ATG16L1: variants seen among roughly 807,000 people sequenced by gnomAD.
The protein encoded by ATG16L1 is autophagy related 16 like 1, also known as autophagy-related protein 16-1.
In ATG16L1, 37 loss-of-function variants were observed where a neutral mutation model predicts 88.5. That is an observed-to-expected ratio of 0.42 (90% CI 0.32 to 0.55). The LOEUF (loss-of-function observed/expected upper bound fraction) is 0.55, where lower values mean the gene tolerates loss of function less well. Among genes scored for constraint, ATG16L1 ranks in the 20% least tolerant of loss-of-function variants. The probability of loss-of-function intolerance (pLI) is 0.13; values close to 1 mark genes in which losing one functional copy is unlikely to be tolerated. For missense variants in ATG16L1, 554 were observed against 752.8 expected, an observed-to-expected ratio of 0.74 and a Z score of 3.09; for synonymous variants, 301 against 281.0, an observed-to-expected ratio of 1.07 and a Z score of -0.71.
At position 233,270,074 on chromosome 2, in the gene ATG16L1, A is replaced by G; in HGVS notation, c.707+7A>G. The G allele has an allele frequency of 6.3e-7, 1 of 1,576,662 alleles. No homozygotes were observed. Among genetic ancestry groups the G allele is most frequent in the Middle Eastern group, 1.7e-4 (1 of 5,862 alleles). ...AACCTCTACCAGTCGAACAGTAAGT[A>G]AAGATAAATGAATCAAAACTGTGTT... On this transcript the variant is annotated splice_region_variant and intron_variant, in intron 6 of 17. Transcript: ENST00000392017.
intron 4 of ATG16L1, 36 bp from the exon 5 acceptor site, chr2:233,264,856 C>T (rs1044675798): frequency 6.2e-7 from 1 of 1,610,854 alleles, no homozygotes; most frequent in Admixed American, 1.7e-5. Context: ...AGGGCTCTGG[C>T]GAGGTACTAT....
intron 1 of ATG16L1, among the ~76,000 whole-genome samples, chr2:233,255,782 C>T (rs1034939365): frequency 6.6e-6 from 1 of 152,170 alleles, no homozygotes; most frequent in Non-Finnish European, 1.5e-5. Flanking sequence ...AGTTCCCTGA[C>T]CTAAAAAGTA....
At chr2:233,269,524 G>T (rs147171365) in intron 5 of ATG16L1, among the ~76,000 whole-genome samples, 3 of 152,288 alleles carry the variant, frequency 2.0e-5, no homozygotes, top group African/African-American at 7.2e-5. Flanking sequence ...TTTAGACCTG[G>T]ATCCTGTCCT....
At chr2:233,280,258 A>G (rs1698636256) in intron 10 of ATG16L1, among the ~76,000 whole-genome samples, 1 of 152,242 alleles carries the variant, frequency 6.6e-6, no homozygotes, top group African/African-American at 2.4e-5. Flanking sequence ...CCTCTTTTAC[A>G]AATATGATTA....
intron 6 of ATG16L1, among the ~76,000 whole-genome samples, chr2:233,270,614 C>T (rs191025415): frequency 1.2e-4 from 19 of 152,260 alleles, no homozygotes; most frequent in Admixed American, 4.6e-4. Context: ...CCATGTAATG[C>T]GGTGGGGTTT....
intron 1 of ATG16L1, 148 bp downstream of exon 1, chr2:233,252,090 C>T: frequency 1.7e-6 from 1 of 579,110 alleles, no homozygotes. Context: ...ACGCCGCACG[C>T]CTTTTAAATG....
rs996664851 is a variant in ATG16L1 at position 233,251,857 on chromosome 2, C to A, written c.30C>A (p.Phe10Leu). 1 of 1,550,230 alleles carries A rather than the reference C, an allele frequency of 6.5e-7. No individual in the cohort carries two copies. Among genetic ancestry groups the A allele is most frequent in the Non-Finnish European group, 8.7e-7 (1 of 1,147,074 alleles). Reference sequence around the variant, plus strand: ...CGTCGGGCCTCCGCGCCGCTGACTTCCCCCGCTGGAAGCGCCACATCTCGG... The same window carrying A: ...CGTCGGGCCTCCGCGCCGCTGACTTACCCCGCTGGAAGCGCCACATCTCGG... MSSGLRAAD[F>L]PRWKRHISEQ... Residue 10 changes from phenylalanine to leucine, a missense_variant, in exon 1 of 18, where the codon TTC becomes TTA. Physicochemically the swap from Phe to Leu is conservative, Grantham distance 22 (BLOSUM62 0). Coordinates refer to ENST00000392017, the MANE Select transcript of ATG16L1 (RefSeq NM_030803.7).
intron 5 of ATG16L1, chr2:233,266,103 C>G (rs943628350): frequency 3.9e-5 from 6 of 152,164 alleles, no homozygotes; most frequent in African/African-American, 1.4e-4. Context: ...GATCACCCAC[C>G]TAGAAACCTA....
chr2:233,292,007 T>C, intron 14 of ATG16L1, 121 bp from the exon 15 acceptor site: 3 of 1,173,258 alleles, frequency 2.6e-6, no homozygotes, highest in Non-Finnish European at 3.6e-6. Context: ...TGGGAACACA[T>C]TGACTGCGCT....
Position 233,252,373 on chromosome 2 carries a change from G to GT in ATG16L1, c.115+439dup, listed in dbSNP as rs201298474. 7.0e-4 allele frequency among the ~76,000 whole-genome samples: 106 copies of GT among 151,260 alleles called. No individual in the cohort carries two copies. The East Asian group carries it at 9.8e-3, about 14-fold the overall frequency. Reference sequence around the variant, plus strand: ...TTACTTCCCTTACTCCACCTTGGTGGTTTTTTTTGCGGGGAAACGGGATAG... The same window carrying GT: ...TTACTTCCCTTACTCCACCTTGGTGGTTTTTTTTTGCGGGGAAACGGGATAG... On this transcript the variant is annotated intron_variant, in intron 1 of 17. Transcript: ENST00000392017.
intron 12 of ATG16L1, among the ~76,000 whole-genome samples, chr2:233,286,982 A>C (rs1295673487): frequency 6.6e-6 from 1 of 152,074 alleles, no homozygotes; most frequent in African/African-American, 2.4e-5. Flanking sequence ...AAGAAACAAA[A>C]CGTCCCTTTC....
chr2:233,265,546 T>C (rs1697505505), intron 5 of ATG16L1, among the ~76,000 whole-genome samples: 1 of 152,204 alleles, frequency 6.6e-6, no homozygotes, highest in Non-Finnish European at 1.5e-5. Context: ...GTTGGCTCAC[T>C]GCAACCTCCA....
At chr2:233,255,471 T>C (rs1252969158) in intron 1 of ATG16L1, among the ~76,000 whole-genome samples, 1 of 152,224 alleles carries the variant, frequency 6.6e-6, no homozygotes, top group Admixed American at 6.5e-5. Flanking sequence ...TTTTTACCAA[T>C]ACAGATCTGT....
intron 7 of ATG16L1, 147 bp downstream of exon 7, chr2:233,273,199 G>A: frequency 1.6e-6 from 1 of 636,208 alleles, no homozygotes; most frequent in Non-Finnish European, 2.8e-6. Flanking sequence ...CCACAGAGGT[G>A]TCCAGTCTTT....
At chr2:233,277,058 T>G (rs1425467919) in intron 9 of ATG16L1, 2 of 152,886 alleles carry the variant, frequency 1.3e-5, no homozygotes. Context: ...TAGAATTCCA[T>G]TATAACACAG....
rs1381021124 is a variant in ATG16L1 at position 233,292,406 on chromosome 2, G to A, written c.1600G>A (p.Gly534Ser). Residue 534 changes from glycine to serine, a missense_variant, in exon 16 of 18, where the codon GGC (glycine) becomes AGC (serine). Physicochemically the swap from Gly to Ser is moderately conservative, Grantham distance 56. Transcript: ENST00000392017. Reference sequence around the variant, plus strand: ...TTTCAGTGCACCTGGGTTCAAGTGCGGCTCTGACTGGACCAGAGTTGTCTT... The same window carrying A: ...TTTCAGTGCACCTGGGTTCAAGTGCAGCTCTGACTGGACCAGAGTTGTCTT... ...QTFSAPGFKCGSDWTRVVFSP... is the reference protein window; with the variant it reads ...QTFSAPGFKCSSDWTRVVFSP... The A allele has an allele frequency of 7.4e-6, 12 of 1,613,154 alleles. No individual in the cohort carries two copies. Among genetic ancestry groups the A allele is most frequent in the Non-Finnish European group, 9.3e-6 (11 of 1,179,974 alleles).
At chr2:233,259,904 A>G (rs1697088409) in intron 2 of ATG16L1, among the ~76,000 whole-genome samples, 1 of 152,118 alleles carries the variant, frequency 6.6e-6, no homozygotes, top group African/African-American at 2.4e-5. Flanking sequence ...GACTGTGGTG[A>G]GAGCCTCATT....
intron 12 of ATG16L1, among the ~76,000 whole-genome samples, chr2:233,286,523 A>G (rs1699085717): frequency 6.6e-6 from 1 of 151,582 alleles, no homozygotes; most frequent in South Asian, 2.1e-4. Flanking sequence ...TGCCTGTAGG[A>G]GGCCCAGCTC....
chr2:233,289,377 ATG>A (rs56993445), intron 12 of ATG16L1, among the ~76,000 whole-genome samples: 9,358 of 128,896 alleles, frequency 0.073, 342 homozygotes, highest in Non-Finnish European at 0.077. Flanking sequence ...CCTGTTTGGG[ATG>A]TGTGTGTGTG....
Sources: gnomAD v4.1 joint callset for allele counts (sites outside exome capture counted in the v4.1 genomes callset) on GRCh38, gnomAD v4.1.1 for gene constraint, MANE v1.5 for transcripts, NCBI Gene and HGNC (gene_info 2026-07-23, HGNC 2026-07-21) for gene names.